The following ABI2 variants were observed in gnomAD, a reference collection of about 807,000 sequenced individuals.
The protein encoded by ABI2 is abl interactor 2, also known as abelson interactor 2.
A neutral mutation model predicts 59.2 loss-of-function variants in ABI2; 25 were observed. The observed-to-expected ratio is 0.42, with a 90% CI of 0.31 to 0.59. The LOEUF (loss-of-function observed/expected upper bound fraction) is 0.59. ABI2 is among the 20% of genes least tolerant of loss of function. The pLI, the probability that ABI2 is intolerant of heterozygous loss-of-function variation, is 0.14. For synonymous variants in ABI2, 213 were observed against 235.5 expected, an observed-to-expected ratio of 0.90 and a Z score of 0.87; for missense variants, 545 against 681.8, an observed-to-expected ratio of 0.80 and a Z score of 2.23.
chr2:203,397,617 A>G (rs1180216087), intron 8 of ABI2, among the ~76,000 whole-genome samples: 1 of 152,216 alleles, frequency 6.6e-6, no homozygotes, highest in Non-Finnish European at 1.5e-5. Flanking sequence ...GTTTGGACAT[A>G]TATCACTGTA....
At chr2:203,351,532 G>GC (rs2088409284) in intron 1 of ABI2, 1 of 360,660 alleles carries the variant, frequency 2.8e-6, no homozygotes, top group Admixed American at 3.6e-5. Context: ...TCAGTGTTTA[G>GC]TTTTTTTTTT....
chr2:203,338,933 T>TATATATATATATATATATATAA (rs2077839773), intron 1 of ABI2, among the ~76,000 whole-genome samples: 1 of 2,574 alleles, frequency 3.9e-4, no homozygotes, highest in African/African-American at 9.4e-4. Flanking sequence ...TGTGTGTATA[T>TATATATATATATATATATATAA]GTATATATAT....
chr2:203,350,402 A>C (rs2152730500), intron 1 of ABI2, among the ~76,000 whole-genome samples: 2 of 151,702 alleles, frequency 1.3e-5, no homozygotes, highest in South Asian at 4.2e-4. Context: ...AGGCTGGAGT[A>C]CAGCGGCATG....
At chr2:203,355,060 C>A in intron 1 of ABI2, 1 of 269,442 alleles carries the variant, frequency 3.7e-6, no homozygotes. Context: ...TGCTTCTCAG[C>A]TGCATCTCAG....
rs2096260651 is a variant in ABI2 at position 203,383,427 on chromosome 2, A to G, written c.480+1221A>G. 3.2e-5 allele frequency: 5 copies of G among 154,298 alleles called. No homozygotes were observed. In the South Asian group the frequency reaches 1.0e-3, roughly 32 times the overall value. The allele number at this position is 154,298 out of a possible 1,614,324, so 9.6% of individuals were successfully genotyped here. On this transcript the variant is annotated intron_variant, in intron 4 of 11. Transcript: ENST00000261018. ...TGGCTGCTTTGGCCCTTTTACCCTA[A>G]AGTCTGTATTCAAATTTTGACCATT...
At chr2:203,366,231 A>G (rs1020870918) in intron 1 of ABI2, among the ~76,000 whole-genome samples, 8 of 152,210 alleles carry the variant, frequency 5.3e-5, no homozygotes, top group South Asian at 2.1e-4. Context: ...AGGCAGGCCA[A>G]TGAATCACTT....
At chr2:203,341,990 A>G (rs1185061699) in intron 1 of ABI2, among the ~76,000 whole-genome samples, 1 of 152,208 alleles carries the variant, frequency 6.6e-6, no homozygotes, top group Non-Finnish European at 1.5e-5. Flanking sequence ...TATTCCTATT[A>G]TAACATATTA....
At chr2:203,329,507 T>C (rs1247158106) in intron 1 of ABI2, among the ~76,000 whole-genome samples, 1 of 151,930 alleles carries the variant, frequency 6.6e-6, no homozygotes, top group African/African-American at 2.4e-5. Flanking sequence ...TCTTTAAAAA[T>C]TACTTGAAAG....
chr2:203,364,463 A>G (rs1193510380), intron 1 of ABI2, among the ~76,000 whole-genome samples: 2 of 152,156 alleles, frequency 1.3e-5, no homozygotes, highest in African/African-American at 4.8e-5. Context: ...GAATTCTACC[A>G]CTGAACCACC....
chr2:203,400,856 A>G (rs992289164), intron 8 of ABI2, among the ~76,000 whole-genome samples: 5 of 152,188 alleles, frequency 3.3e-5, no homozygotes, highest in African/African-American at 1.2e-4. Flanking sequence ...ATAGTCTCAT[A>G]TTAAGGTAGA....
intron 9 of ABI2, among the ~76,000 whole-genome samples, chr2:203,406,208 C>T (rs1333295235): frequency 2.0e-5 from 3 of 152,186 alleles, no homozygotes; most frequent in Non-Finnish European, 2.9e-5. Flanking sequence ...GAAGAATATA[C>T]ATATATCTAC....
At chr2:203,424,110 G>A (rs1559397026) in intron 11 of ABI2, among the ~76,000 whole-genome samples, 3 of 152,146 alleles carry the variant, frequency 2.0e-5, no homozygotes, top group South Asian at 4.1e-4. Flanking sequence ...TGGAAAAAGT[G>A]ACTTTCTTCC....
chr2:203,378,398 AC>A (rs2095865469), intron 2 of ABI2, among the ~76,000 whole-genome samples: 1 of 152,234 alleles, frequency 6.6e-6, no homozygotes, highest in Non-Finnish European at 1.5e-5. Flanking sequence ...GGCGTGAGCC[AC>A]CATGCCTGGC....
At chr2:203,370,963 A>G (rs1020452427) in intron 2 of ABI2, among the ~76,000 whole-genome samples, 5 of 152,126 alleles carry the variant, frequency 3.3e-5, no homozygotes, top group African/African-American at 4.8e-5. Context: ...CCTTTCATCT[A>G]TTTTAACGAA....
At chr2:203,352,707 A>G (rs1385642175) in intron 1 of ABI2, among the ~76,000 whole-genome samples, 1 of 152,162 alleles carries the variant, frequency 6.6e-6, no homozygotes, top group African/African-American at 2.4e-5. Context: ...GGAGAGAGAA[A>G]ATTTAAGAAA....
chr2:203,386,518 G>T, intron 4 of ABI2: 1 of 701,062 alleles, frequency 1.4e-6, no homozygotes, highest in Non-Finnish European at 1.7e-6. Flanking sequence ...AACTTAACAA[G>T]TTTAAGAAAT....
At chr2:203,373,995 C>G (rs1365689406) in intron 2 of ABI2, among the ~76,000 whole-genome samples, 1 of 151,522 alleles carries the variant, frequency 6.6e-6, no homozygotes, top group Non-Finnish European at 1.5e-5. Context: ...TCCATCTCTC[C>G]AAAAAATGCA....
intron 2 of ABI2, among the ~76,000 whole-genome samples, chr2:203,373,064 G>A (rs1448106634): frequency 6.6e-6 from 1 of 152,208 alleles, no homozygotes; most frequent in African/African-American, 2.4e-5. Context: ...ATGGGGTGGC[G>A]GCCGGGCAGA....
intron 1 of ABI2, among the ~76,000 whole-genome samples, chr2:203,331,589 C>T (rs1216773633): frequency 6.6e-6 from 1 of 151,852 alleles, no homozygotes; most frequent in Non-Finnish European, 1.5e-5. Flanking sequence ...GAACTCCTGG[C>T]CTCAGATGAT....
Sources: allele counts gnomAD v4.1 joint callset (sites outside exome capture counted in the v4.1 genomes callset), GRCh38; gene constraint gnomAD v4.1.1; transcripts MANE v1.5; gene names NCBI Gene and HGNC (gene_info 2026-07-23, HGNC 2026-07-21).